Variants in TNXB observed in about 807,000 individuals in gnomAD.
The protein encoded by TNXB is tenascin XB.
A neutral mutation model predicts 340.5 loss-of-function variants in TNXB; 183 were observed. The observed-to-expected ratio is 0.54, with a 90% CI of 0.48 to 0.61. TNXB has a LOEUF of 0.61. Among genes scored for constraint, TNXB ranks in the 20% least tolerant of loss-of-function variants. The probability of loss-of-function intolerance (pLI) is 0.00; values close to 1 mark genes in which losing one functional copy is unlikely to be tolerated. For synonymous variants in TNXB, 2,121 were observed against 2,314.5 expected, an observed-to-expected ratio of 0.92 and a Z score of 2.40; for missense variants, 4,613 against 5,446.4, an observed-to-expected ratio of 0.85 and a Z score of 4.82.
Position 32,067,591 on chromosome 6 carries a change from T to C in TNXB, c.6544+70A>G. The C allele has an allele frequency of 6.4e-7, 1 of 1,554,666 alleles. No homozygotes were observed. The highest frequency in any genetic ancestry group is 8.7e-7 in the Non-Finnish European group (1 of 1,150,672). On this transcript the variant is annotated intron_variant, in intron 18 of 43. Transcript: ENST00000644971. This position sits in a 1 kb window ranked among gnomAD's most constrained non-coding sequence, Gnocchi z 4.2. ...TTGAGGTCTTGGGGTTCTGGGTCCC[T>C]AGTGGAGGAGATGCTGGAGGCTGTA...
Position 32,097,220 on chromosome 6 carries a change from G to A in TNXB, c.633C>T (p.Pro211=). 1 of 1,600,268 alleles carries A rather than the reference G, an allele frequency of 6.2e-7. No homozygotes were observed. Among genetic ancestry groups the A allele is most frequent in the Non-Finnish European group, 8.5e-7 (1 of 1,174,010 alleles). ...RCVCFPGYTG[P]SCGWPSCPGD... is the part of the protein sequence containing the mutation. Reference sequence around the variant, plus strand: ...CGGGACAGGATGGCCAGCCACAGCTGGGGCCAGTGTAGCCGGGAAAGCACA... The same window carrying A: ...CGGGACAGGATGGCCAGCCACAGCTAGGGCCAGTGTAGCCGGGAAAGCACA... Residue 211 remains proline, a synonymous_variant, in exon 3 of 44, where the codon CCC becomes CCT. Coordinates refer to ENST00000644971, the MANE Select transcript of TNXB (RefSeq NM_001365276.2). This position sits in a 1 kb window ranked among gnomAD's most constrained non-coding sequence, Gnocchi z 5.9.
At position 32,061,274 on chromosome 6, in the gene TNXB, A is replaced by T; in HGVS notation, c.7492+123T>A. 2 of 1,423,868 alleles carry T rather than the reference A, an allele frequency of 1.4e-6. No individual in the cohort carries two copies. Among genetic ancestry groups the T allele is most frequent in the Non-Finnish European group, 1.9e-6 (2 of 1,058,350 alleles). The allele number at this position is 1,423,868 out of a possible 1,614,324, so 88.2% of individuals were successfully genotyped here. A position where few individuals can be genotyped will look rare whatever the true frequency, so the allele number is the denominator to read the frequency against. Reference sequence around the variant, plus strand: ...CTAGCATAGGCCACAGCCACAGGGCACAGAGGGAGGGCAGGACACAGGAGA... The same window carrying T: ...CTAGCATAGGCCACAGCCACAGGGCTCAGAGGGAGGGCAGGACACAGGAGA... On this transcript the variant is annotated intron_variant, in intron 21 of 43. Coordinates refer to ENST00000644971, the MANE Select transcript of TNXB (RefSeq NM_001365276.2). The surrounding 1 kb of genome is among the most constrained non-coding windows in gnomAD (Gnocchi z 4.4).
chr6:32,107,889 T>TG (rs1781057640), intron 1 of TNXB, among the ~76,000 whole-genome samples: 1 of 151,960 alleles, frequency 6.6e-6, no homozygotes, highest in African/African-American at 2.4e-5. Context: ...AAAGGGAATG[T>TG]GGGGGTCTCA....
Position 32,098,218 on chromosome 6 carries a change from A to G in TNXB, c.-8-12T>C. 6.7e-7 allele frequency: 1 copy of G among 1,483,316 alleles called. No individual in the cohort carries two copies. The highest frequency in any genetic ancestry group is 1.4e-5 in the African/African-American group (1 of 71,568). The allele number at this position is 1,483,316 out of a possible 1,614,324, so 91.9% of individuals were successfully genotyped here. On this transcript the variant is annotated splice_polypyrimidine_tract_variant and intron_variant, in intron 1 of 43. Coordinates refer to ENST00000644971, the MANE Select transcript of TNXB (RefSeq NM_001365276.2). ...CATCATTCAGGAGGCTGCAGGGAGA[A>G]AGGGTAGGTATGAGAGCAGCTTCAA...
At position 32,067,132 on chromosome 6, in the gene TNXB, G is replaced by GAAGAAAGAAAGAAAGA. The variant is rs9281648; in HGVS notation, c.6544+513_6544+528dup. Among the ~76,000 whole-genome samples, 11,940 of 117,834 alleles carry GAAGAAAGAAAGAAAGA rather than the reference G, an allele frequency of 0.1. 833 individuals carry two copies. Among genetic ancestry groups the GAAGAAAGAAAGAAAGA allele is most frequent in the Non-Finnish European group, 0.13 (7,307 of 57,186 alleles). 77.3% of individuals were successfully genotyped at this position (117,834 alleles called of 152,430 possible). On this transcript the variant is annotated intron_variant, in intron 18 of 43. Transcript: ENST00000644971. The surrounding 1 kb of genome is among the most constrained non-coding windows in gnomAD (Gnocchi z 4.2). Reference sequence around the variant, plus strand: ...AAGAAAGAGAAAGAAAGAAAGGAAGGAAGAAAGAAAGAAAGAAAGAAAGAA... The same window carrying GAAGAAAGAAAGAAAGA: ...AAGAAAGAGAAAGAAAGAAAGGAAGGAAGAAAGAAAGAAAGAAAGAAAGAAAGAAAGAAAGAAAGAA...
intron 28 of TNXB, among the ~76,000 whole-genome samples, chr6:32,048,852 A>G (rs1304136547): frequency 1.3e-5 from 2 of 152,204 alleles, no homozygotes; most frequent in Non-Finnish European, 2.9e-5. Flanking sequence ...GGGTGCCATT[A>G]TTATCATCAC....
At chr6:32,103,178 T>C (rs778102960) in intron 1 of TNXB, among the ~76,000 whole-genome samples, 1 of 152,066 alleles carries the variant, frequency 6.6e-6, no homozygotes, top group Admixed American at 6.5e-5. Context: ...CTCAGTACTT[T>C]GGGAGGCCAA....
chr6:32,097,113 C>A lies in TNXB; in HGVS notation c.740G>T (p.Arg247Leu), dbSNP rs754729554. ...CTGGCTGCAACCTCGAGGGCAGGAGCGCTGGCTGCAGTCGGGGCCTGAGAA... is the reference window on the plus strand; with the variant it reads ...CTGGCTGCAACCTCGAGGGCAGGAGAGCTGGCTGCAGTCGGGGCCTGAGAA... ...AGFSGPDCSQ[R>L]SCPRGCSQRG... The change falls in exon 3 of 44, where the codon CGC becomes CTC. Residue 247 changes from arginine (R) to leucine (L), a missense_variant. By Grantham distance (102) the Arg-to-Leu change is moderately radical. Transcript: ENST00000644971. The surrounding 1 kb of genome is among the most constrained non-coding windows in gnomAD (Gnocchi z 5.9). 6.2e-7 allele frequency: 1 copy of A among 1,612,154 alleles called. No individual in the cohort carries two copies. The highest frequency in any genetic ancestry group is 2.2e-5 in the East Asian group (1 of 44,816).
In TNXB at chr6:32,049,667, G is replaced by GT. The variant is rs1207075450; in HGVS notation, c.9440-81_9440-80insA. ...AAAAGGAGGGAGAAGCCAAGGCTAT[G>GT]ACTGGGGGACCTGAGGTCATTTCAG... On this transcript the variant is annotated intron_variant, in intron 27 of 43. Coordinates refer to ENST00000644971, the MANE Select transcript of TNXB (RefSeq NM_001365276.2). This position sits in a 1 kb window ranked among gnomAD's most constrained non-coding sequence, Gnocchi z 4.5. 6.8e-7 allele frequency: 1 copy of GT among 1,476,554 alleles called. No homozygotes were observed. Among genetic ancestry groups the GT allele is most frequent in the Non-Finnish European group, 9.1e-7 (1 of 1,093,990 alleles). 91.5% of individuals were successfully genotyped at this position (1,476,554 alleles called of 1,614,324 possible). A position where few individuals can be genotyped will look rare whatever the true frequency, so the allele number is the denominator to read the frequency against.
At chr6:32,099,646 G>T (rs944323406) in intron 1 of TNXB, among the ~76,000 whole-genome samples, 1 of 151,528 alleles carries the variant, frequency 6.6e-6, no homozygotes, top group Non-Finnish European at 1.5e-5. Flanking sequence ...TTAAAAGCAT[G>T]AGCCACCATG....
At chr6:32,071,359 G>T (rs1778759780) in intron 13 of TNXB, among the ~76,000 whole-genome samples, 1 of 152,044 alleles carries the variant, frequency 6.6e-6, no homozygotes, top group Non-Finnish European at 1.5e-5. Context: ...CTCTCAGGAG[G>T]TGATGGATTC....
rs766952974 is a variant in TNXB at position 32,098,175 on chromosome 6, T to C, written c.24A>G (p.Leu8=). The change falls in exon 2 of 44, where the codon CTA becomes CTG. Residue 8 remains leucine (L), a synonymous_variant. Transcript: ENST00000644971. Reference sequence around the variant, plus strand: ...GCACCAGGAGAACCAGGCTGGAGGTTAGAGCATACTGGGCTGGCATCATTC... The same window carrying C: ...GCACCAGGAGAACCAGGCTGGAGGTCAGAGCATACTGGGCTGGCATCATTC... MMPAQYA[L]TSSLVLLVLL... 218 of 1,547,892 alleles carry C rather than the reference T, an allele frequency of 1.4e-4. No homozygotes were observed. The highest frequency in any genetic ancestry group is 6.1e-4 in the Admixed American group (33 of 53,774).
intron 13 of TNXB, among the ~76,000 whole-genome samples, chr6:32,071,711 G>A (rs1458202547): frequency 2.0e-5 from 3 of 151,724 alleles, no homozygotes; most frequent in East Asian, 1.9e-4. Flanking sequence ...TCAGACTCCC[G>A]AGTAGCTGGA....
At position 32,049,411 on chromosome 6, in the gene TNXB, G is replaced by T; in HGVS notation, c.9616C>A (p.Gln3206Lys). ...FTVQYKDRDG[Q>K]PQVVRVRGEE... ...CCCCTGACACGCACCACCTGGGGCT[G>T]CCCGTCCCTGTCCTTGTACTGCACG... The change falls in exon 28 of 44, where the codon CAG (glutamine) becomes AAG (lysine). Residue 3206 changes from glutamine to lysine, a missense_variant. Gln to Lys is a moderately conservative substitution (Grantham distance 53, BLOSUM62 1). Transcript: ENST00000644971. The surrounding 1 kb of genome is among the most constrained non-coding windows in gnomAD (Gnocchi z 4.5). The T allele has an allele frequency of 6.2e-7, 1 of 1,612,648 alleles. No individual in the cohort carries two copies. Among genetic ancestry groups the T allele is most frequent in the South Asian group, 1.1e-5 (1 of 91,036 alleles).
chr6:32,079,219 C>T lies in TNXB; in HGVS notation c.4189G>A (p.Gly1397Ser). ...SLSLFWTVPQ[G>S]SFDSFTVQYK... ...TGCACGGTGAAAGAGTCGAAGCTGC[C>T]CTGGGGGACGGTCCAGAAGAGGCTC... The change falls in exon 11 of 44, where the codon GGC (glycine) becomes AGC (serine). Residue 1397 changes from glycine (G) to serine (S), a missense_variant. Physicochemically the swap from Gly to Ser is moderately conservative, Grantham distance 56. This residue lies in a region of TNXB where 4,327 missense variants were observed against 4,859.4 expected (regional missense o/e 0.89). Transcript: ENST00000644971. The surrounding 1 kb of genome is among the most constrained non-coding windows in gnomAD (Gnocchi z 7.1). 6.2e-7 allele frequency: 1 copy of T among 1,613,834 alleles called. No individual in the cohort carries two copies. The highest frequency in any genetic ancestry group is 8.5e-7 in the Non-Finnish European group (1 of 1,179,874).
At chr6:32,055,413 G>T (rs1287036520) in intron 24 of TNXB, among the ~76,000 whole-genome samples, 1 of 152,194 alleles carries the variant, frequency 6.6e-6, no homozygotes, top group East Asian at 1.9e-4. Flanking sequence ...TGGCCCATTG[G>T]TGAGAAAGGT....
rs1776354730 is a variant in TNXB at position 32,041,264 on chromosome 6, G to C, written c.*85C>G. On this transcript the variant is annotated 3_prime_UTR_variant, in exon 44 of 44. Transcript: ENST00000644971. ...AGAGAAGGCTTCCTCCAGCGGCTGG[G>C]TGGTGAAGGACCCTGGCTCTTCTCT... is the stretch of plus-strand genomic sequence containing the variant. 1 of 776,294 alleles carries C rather than the reference G, an allele frequency of 1.3e-6. No homozygotes were observed. The allele number at this position is 776,294 out of a possible 1,614,324, so 48.1% of individuals were successfully genotyped here.
intron 24 of TNXB, among the ~76,000 whole-genome samples, chr6:32,054,303 C>T (rs989407693): frequency 4.6e-5 from 7 of 152,224 alleles, no homozygotes; most frequent in Non-Finnish European, 7.3e-5. Flanking sequence ...TTAGCTCCCA[C>T]GGATGAACTT....
chr6:32,082,160 A>G lies in TNXB; in HGVS notation c.3612T>C (p.Pro1204=). ...RDRDGRPQVV[P]VEGPERSFVV... is the part of the protein sequence containing the mutation. ...CAAATGAACGCTCGGGCCCTTCCACAGGTACCACCTGGGGCCGTCCATCCC... is the reference window on the plus strand; with the variant it reads ...CAAATGAACGCTCGGGCCCTTCCACGGGTACCACCTGGGGCCGTCCATCCC... The change falls in exon 9 of 44, where the codon CCT becomes CCC. Residue 1204 remains proline, a synonymous_variant. Transcript: ENST00000644971. The surrounding 1 kb of genome is among the most constrained non-coding windows in gnomAD (Gnocchi z 5.0). 6.2e-7 allele frequency: 1 copy of G among 1,612,526 alleles called. No homozygotes were observed. Among genetic ancestry groups the G allele is most frequent in the Non-Finnish European group, 8.5e-7 (1 of 1,179,586 alleles).
Sources: gnomAD v4.1 joint callset for allele counts (sites outside exome capture counted in the v4.1 genomes callset) on GRCh38, gnomAD v4.1.1 for gene constraint, gnomAD v4.1.1 regional missense constraint, Gnocchi (gnomAD v3.1) non-coding constraint, MANE v1.5 for transcripts, NCBI Gene and HGNC (gene_info 2026-07-23, HGNC 2026-07-21) for gene names.